WWOX: variants seen among roughly 807,000 people sequenced by gnomAD.
WWOX encodes WW domain-containing oxidoreductase.
WWOX carries 69 observed loss-of-function variants against 46.2 expected under a neutral mutation model. That is an observed-to-expected ratio of 1.49 (90% CI 1.23 to 1.82). The LOEUF (loss-of-function observed/expected upper bound fraction) is 1.82. Among genes scored for constraint, WWOX ranks in the 40% most tolerant of loss-of-function variants. The probability of loss-of-function intolerance (pLI) is 0.00; values close to 1 mark genes in which losing one functional copy is unlikely to be tolerated. For missense variants in WWOX, 919 were observed against 542.6 expected, an observed-to-expected ratio of 1.69 and a Z score of -6.89; for synonymous variants, 359 against 202.6, an observed-to-expected ratio of 1.77 and a Z score of -6.56.
chr16:78,773,007 A>C (rs2050101619), intron 8 of WWOX, among the ~76,000 whole-genome samples: 1 of 152,172 alleles, frequency 6.6e-6, no homozygotes, highest in South Asian at 2.1e-4. Flanking sequence ...CCTGGGCATC[A>C]AGGTCTGTTT....
chr16:78,770,605 AG>A (rs779822940), intron 8 of WWOX, among the ~76,000 whole-genome samples: 2 of 152,180 alleles, frequency 1.3e-5, no homozygotes, highest in Non-Finnish European at 2.9e-5. Flanking sequence ...GTGCCTACCA[AG>A]GAAGTCTCTG....
chr16:78,925,516 G>A (rs931633362), intron 8 of WWOX, among the ~76,000 whole-genome samples: 4 of 152,208 alleles, frequency 2.6e-5, no homozygotes, highest in African/African-American at 7.2e-5. Context: ...CCAGGAACTC[G>A]CTTATGTGTG....
At chr16:79,143,376 T>C (rs2050126363) in intron 8 of WWOX, among the ~76,000 whole-genome samples, 1 of 152,208 alleles carries the variant, frequency 6.6e-6, no homozygotes, top group South Asian at 2.1e-4. Flanking sequence ...TTCTTGAATT[T>C]TAACTGTGCC....
chr16:78,390,774 A>G (rs570001544), intron 6 of WWOX, among the ~76,000 whole-genome samples: 50 of 152,296 alleles, frequency 3.3e-4, no homozygotes, highest in African/African-American at 1.2e-3. Context: ...TCAGACATTA[A>G]AATTTTCTTG....
At chr16:78,553,682 C>T (rs1187674416) in intron 8 of WWOX, among the ~76,000 whole-genome samples, 1 of 152,074 alleles carries the variant, frequency 6.6e-6, no homozygotes, top group Non-Finnish European at 1.5e-5. Context: ...CAAAGTTGAC[C>T]ATGATAGAGA....
chr16:78,325,113 G>C (rs961872756), intron 5 of WWOX, among the ~76,000 whole-genome samples: 2 of 152,166 alleles, frequency 1.3e-5, no homozygotes, highest in Non-Finnish European at 1.5e-5. Context: ...TGTTGGTCCC[G>C]TCACAGGGCT....
rs2034113961 is a variant in WWOX, at chr16:78,144,471, A to ATATG, written c.410-19709_410-19708insGTAT. 1.2e-4 allele frequency among the ~76,000 whole-genome samples: 4 copies of ATATG among 33,586 alleles called. 1 individual carries two copies. The South Asian group carries it at 2.8e-3, about 23-fold the overall frequency. The allele number at this position is 33,586 out of a possible 152,430, so 22.0% of individuals were successfully genotyped here. ...TACACATATATATATATACACACAT[A>ATATG]TATATATATATATATACACACACAC... On this transcript the variant is annotated intron_variant, in intron 4 of 8. Coordinates refer to ENST00000566780, the MANE Select transcript of WWOX (RefSeq NM_016373.4).
At chr16:79,103,400 C>G (rs1352268176) in intron 8 of WWOX, among the ~76,000 whole-genome samples, 1 of 152,156 alleles carries the variant, frequency 6.6e-6, no homozygotes, top group Non-Finnish European at 1.5e-5. Flanking sequence ...ACAAAGCAAA[C>G]GCATTAGTGG....
At chr16:78,233,465 G>A in intron 5 of WWOX, among the ~76,000 whole-genome samples, 1 of 151,052 alleles carries the variant, frequency 6.6e-6, no homozygotes, top group Non-Finnish European at 1.5e-5. Flanking sequence ...GTATTTCGCT[G>A]TATATGTGTA....
At chr16:79,078,742 G>T (rs997344091) in intron 8 of WWOX, among the ~76,000 whole-genome samples, 5 of 152,220 alleles carry the variant, frequency 3.3e-5, no homozygotes, top group African/African-American at 1.2e-4. Flanking sequence ...ACTCAACCAT[G>T]ATGATTTCTG....
chr16:78,927,887 T>C (rs1432862361), intron 8 of WWOX, among the ~76,000 whole-genome samples: 1 of 152,244 alleles, frequency 6.6e-6, no homozygotes, highest in Non-Finnish European at 1.5e-5. Context: ...ATTATTCTTT[T>C]ACCCAGACAC....
At chr16:78,319,012 C>T (rs1348116967) in intron 5 of WWOX, among the ~76,000 whole-genome samples, 1 of 152,128 alleles carries the variant, frequency 6.6e-6, no homozygotes, top group Non-Finnish European at 1.5e-5. Flanking sequence ...AGTTACTGAT[C>T]CTGCGAAGTT....
chr16:78,679,380 G>A (rs2047676900), intron 8 of WWOX, among the ~76,000 whole-genome samples: 1 of 152,020 alleles, frequency 6.6e-6, no homozygotes, highest in Non-Finnish European at 1.5e-5. Context: ...GTAAAACCCT[G>A]TCTCTGCTAA....
intron 8 of WWOX, among the ~76,000 whole-genome samples, chr16:78,865,199 T>C (rs1383456974): frequency 6.6e-6 from 1 of 152,222 alleles, no homozygotes; most frequent in Non-Finnish European, 1.5e-5. Context: ...TGGATATGTT[T>C]AAGAGAATGA....
chr16:78,430,190 A>C (rs936801054), intron 7 of WWOX, among the ~76,000 whole-genome samples: 2 of 152,108 alleles, frequency 1.3e-5, no homozygotes, highest in African/African-American at 2.4e-5. Context: ...CTCATTTATA[A>C]AACCATCAGA....
chr16:78,980,002 C>G (rs1404635766), intron 8 of WWOX, among the ~76,000 whole-genome samples: 1 of 152,072 alleles, frequency 6.6e-6, no homozygotes, highest in African/African-American at 2.4e-5. Flanking sequence ...TTGGTGGGCA[C>G]CTGTACTTCC....
At chr16:78,677,885 A>C (rs2047641317) in intron 8 of WWOX, among the ~76,000 whole-genome samples, 1 of 152,198 alleles carries the variant, frequency 6.6e-6, no homozygotes, top group South Asian at 2.1e-4. Flanking sequence ...TCCTGCCTCC[A>C]AATTAATGTT....
intron 8 of WWOX, among the ~76,000 whole-genome samples, chr16:78,533,521 G>A (rs1049289917): frequency 6.6e-6 from 1 of 152,166 alleles, no homozygotes; most frequent in African/African-American, 2.4e-5. Context: ...CACCAGCTAT[G>A]GTTTGGACAA....
chr16:79,085,582 A>T (rs2048839540), intron 8 of WWOX, among the ~76,000 whole-genome samples: 1 of 152,222 alleles, frequency 6.6e-6, no homozygotes, highest in African/African-American at 2.4e-5. Flanking sequence ...GAGTCTACTC[A>T]AAGACTGACA....
Sources: gnomAD v4.1 joint callset for allele counts (sites outside exome capture counted in the v4.1 genomes callset) on GRCh38, gnomAD v4.1.1 for gene constraint, MANE v1.5 for transcripts, NCBI Gene and HGNC (gene_info 2026-07-23, HGNC 2026-07-21) for gene names.